CCAR1: variants seen among roughly 807,000 people sequenced by gnomAD.
CCAR1 encodes the protein cell division cycle and apoptosis regulator 1.
A neutral mutation model predicts 163.8 loss-of-function variants in CCAR1; 78 were observed. The observed-to-expected ratio is 0.48, with a 90% confidence interval of 0.40 to 0.57. CCAR1 has a LOEUF of 0.57. CCAR1 is among the 20% of genes least tolerant of loss of function. The pLI is 0.00. For synonymous variants in CCAR1, 443 were observed against 460.7 expected, an observed-to-expected ratio of 0.96 and a Z score of 0.49; for missense variants, 1,019 against 1,365.2, an observed-to-expected ratio of 0.75 and a Z score of 4.00.
chr10:68,773,282 T>A (rs2056625191), intron 19 of CCAR1, among the ~76,000 whole-genome samples, 183 bp downstream of exon 19: 2 of 152,306 alleles, frequency 1.3e-5, no homozygotes, highest in Admixed American at 1.3e-4. Flanking sequence ...GACATATTTA[T>A]TACTAATTAT....
Position 68,771,381 on chromosome 10 carries a change from C to G in CCAR1, c.2474C>G (p.Pro825Arg). Reference sequence around the variant, plus strand: ...GAAAGAGATGATGAAACTGATGAACCAAAACCCAAACGGAGAAAATCAGGC... The same window carrying G: ...GAAAGAGATGATGAAACTGATGAACGAAAACCCAAACGGAGAAAATCAGGC... Reference protein sequence around the residue: ...KEERDDETDEPKPKRRKSGDD... With the variant: ...KEERDDETDERKPKRRKSGDD... The change falls in exon 18 of 25, where the codon CCA (proline) becomes CGA (arginine). Residue 825 changes from proline (P) to arginine (R), a missense_variant. This residue lies in a region of CCAR1 where 358 missense variants were observed against 406.4 expected (regional missense o/e 0.88). Coordinates refer to ENST00000265872, the MANE Select transcript of CCAR1 (RefSeq NM_018237.4). 6.3e-7 allele frequency: 1 copy of G among 1,594,588 alleles called. No individual in the cohort carries two copies. Among genetic ancestry groups the G allele is most frequent in the Non-Finnish European group, 8.5e-7 (1 of 1,170,132 alleles).
At chr10:68,777,860 A>T (rs1369627055) in intron 19 of CCAR1, among the ~76,000 whole-genome samples, 1 of 151,862 alleles carries the variant, frequency 6.6e-6, no homozygotes, top group Non-Finnish European at 1.5e-5. Flanking sequence ...TGAGCCCGGG[A>T]GGCGGAGGTT....
At chr10:68,790,523 T>C (rs2056840971) in intron 24 of CCAR1, among the ~76,000 whole-genome samples, 1 of 152,088 alleles carries the variant, frequency 6.6e-6, no homozygotes, top group African/African-American at 2.4e-5. Context: ...CTCTGTGTTT[T>C]TTTTGTTTTG....
intron 10 of CCAR1, among the ~76,000 whole-genome samples, chr10:68,750,727 A>G (rs1762178271): frequency 6.6e-6 from 1 of 152,208 alleles, no homozygotes; most frequent in Admixed American, 6.5e-5. Context: ...CAGTAAAATA[A>G]GAAAATCATT....
chr10:68,747,208 A>G lies in CCAR1; in HGVS notation c.566A>G (p.Glu189Gly). Residue 189 changes from glutamate (E) to glycine (G), a missense_variant, in exon 7 of 25, where the codon GAA becomes GGA. Coordinates refer to ENST00000265872, the MANE Select transcript of CCAR1 (RefSeq NM_018237.4). ...TPQVGDRVLV[E>G]ATYNPNMPFK... ...CAAGTAGGTGACAGAGTATTGGTTG[A>G]AGCTACTTATAATCCTAATATGCCT... The G allele has an allele frequency of 6.2e-7, 1 of 1,611,286 alleles. No individual in the cohort carries two copies. Among genetic ancestry groups the G allele is most frequent in the Non-Finnish European group, 8.5e-7 (1 of 1,179,008 alleles).
At position 68,727,003 on chromosome 10, in the gene CCAR1, TAA is replaced by T. The variant is rs531688864; in HGVS notation, c.73+4430_73+4431del. ...AGCAAGACTTCCTCTCAAAAAAAAA[TAA>T]AAATAAAAAAATAAATTCACAGAAT... On this transcript the variant is annotated intron_variant, in intron 2 of 24. Coordinates refer to ENST00000265872, the MANE Select transcript of CCAR1 (RefSeq NM_018237.4). Among the ~76,000 whole-genome samples the T allele has an allele frequency of 2.4e-3, 356 of 145,882 alleles. 1 individual carries two copies. The highest frequency in any genetic ancestry group is 8.6e-3 in the African/African-American group (341 of 39,514).
At position 68,736,959 on chromosome 10, in the gene CCAR1, C is replaced by T. The variant is rs752474129; in HGVS notation, c.157C>T (p.Leu53Phe). Residue 53 changes from leucine (L) to phenylalanine (F), a missense_variant, in exon 3 of 25, where the codon CTT becomes TTT. Physicochemically the swap from Leu to Phe is conservative, Grantham distance 22. Coordinates refer to ENST00000265872, the MANE Select transcript of CCAR1 (RefSeq NM_018237.4). ...TQQTALAAAG[L>F]TTQTPANYQL... ...GCAAACTGCATTGGCAGCAGCAGGC[C>T]TTACCACACAAACTCCAGCAAACTA... The T allele has an allele frequency of 1.9e-6, 3 of 1,614,080 alleles. No homozygotes were observed. The highest frequency in any genetic ancestry group is 2.5e-6 in the Non-Finnish European group (3 of 1,179,940).
chr10:68,738,280 G>A (rs189453280), intron 4 of CCAR1, among the ~76,000 whole-genome samples: 80 of 152,210 alleles, frequency 5.3e-4, no homozygotes, highest in African/African-American at 1.8e-3. Context: ...CGGGTGTGGT[G>A]GCGCAGGCCT....
chr10:68,765,664 T>C (rs896751614), intron 16 of CCAR1, among the ~76,000 whole-genome samples: 2 of 152,304 alleles, frequency 1.3e-5, no homozygotes, highest in South Asian at 2.1e-4. Flanking sequence ...TTTCTTATGC[T>C]GGGAAATCCA....
chr10:68,779,978 A>C (rs1333941424), intron 19 of CCAR1, among the ~76,000 whole-genome samples: 1 of 152,188 alleles, frequency 6.6e-6, no homozygotes. Flanking sequence ...AAAATAGGAC[A>C]TGATCACTAC....
Position 68,786,659 on chromosome 10 carries a change from T to G in CCAR1, c.2847T>G (p.Leu949=). ...YLLEKDLEEI[L]YTLGLHLSRA... Reference sequence around the variant, plus strand: ...TTGAAAAGGATTTGGAAGAAATACTTTATACTCTTGGACTACATCTTTCTC... The same window carrying G: ...TTGAAAAGGATTTGGAAGAAATACTGTATACTCTTGGACTACATCTTTCTC... The change falls in exon 21 of 25, where the codon CTT becomes CTG. Residue 949 remains leucine (L), a synonymous_variant. Transcript: ENST00000265872. The G allele has an allele frequency of 1.2e-6, 2 of 1,603,404 alleles. No homozygotes were observed. Among genetic ancestry groups the G allele is most frequent in the East Asian group, 4.5e-5 (2 of 44,656 alleles).
At position 68,787,962 on chromosome 10, in the gene CCAR1, A is replaced by T. The variant is rs779272701; in HGVS notation, c.2916A>T (p.Glu972Asp). 3 of 1,613,180 alleles carry T rather than the reference A, an allele frequency of 1.9e-6. No homozygotes were observed. The South Asian group carries it at 3.3e-5, about 18-fold the overall frequency. Residue 972 changes from glutamate to aspartate, a missense_variant, in exon 22 of 25, where the codon GAA becomes GAT. Physicochemically the swap from Glu to Asp is conservative, Grantham distance 45 (BLOSUM62 2). Around this residue, in one of 4 missense-constraint regions of CCAR1, gnomAD observed 358 missense variants for 406.4 expected, o/e 0.88. Transcript: ENST00000265872. Reference protein sequence around the residue: ...KKLLNKVVLRESCFYRKLTDT... With the variant: ...KKLLNKVVLRDSCFYRKLTDT... Reference sequence around the variant, plus strand: ...TTCTTAATAAAGTAGTGCTCCGTGAATCTTGCTTTTACCGGAAATTAACAG... The same window carrying T: ...TTCTTAATAAAGTAGTGCTCCGTGATTCTTGCTTTTACCGGAAATTAACAG...
At chr10:68,731,111 CAT>C (rs2056032165) in intron 2 of CCAR1, among the ~76,000 whole-genome samples, 1 of 152,156 alleles carries the variant, frequency 6.6e-6, no homozygotes, top group Non-Finnish European at 1.5e-5. Flanking sequence ...CTTTGACAAT[CAT>C]ATTGAATGAG....
rs925389459 is a variant in CCAR1 at position 68,756,797 on chromosome 10, C to G, written c.1836+314C>G. Among the ~76,000 whole-genome samples, 2 of 152,114 alleles carry G rather than the reference C, an allele frequency of 1.3e-5. No homozygotes were observed. Among genetic ancestry groups the G allele is most frequent in the Non-Finnish European group, 2.9e-5 (2 of 68,010 alleles). ...TTGTTGAACAAGATTCAGTATTAAG[C>G]CATTTTAAACATTTTGCCATTTTCT... On this transcript the variant is annotated intron_variant, in intron 14 of 24. Coordinates refer to ENST00000265872, the MANE Select transcript of CCAR1 (RefSeq NM_018237.4). This position sits in a 1 kb window ranked among gnomAD's most constrained non-coding sequence, Gnocchi z 5.1.
At chr10:68,727,594 A>G (rs2133300818) in intron 2 of CCAR1, among the ~76,000 whole-genome samples, 1 of 151,722 alleles carries the variant, frequency 6.6e-6, no homozygotes, top group South Asian at 2.1e-4. Context: ...CCTGTTTTTC[A>G]TTTTTCTCAC....
chr10:68,730,024 A>T (rs2056013557), intron 2 of CCAR1, among the ~76,000 whole-genome samples: 1 of 151,838 alleles, frequency 6.6e-6, no homozygotes, highest in East Asian at 2.0e-4. Context: ...TGTTCAAGCG[A>T]TTCTTCTGCC....
intron 3 of CCAR1, 76 bp from the exon 4 acceptor site, chr10:68,737,769 A>G (rs1186200929): frequency 1.3e-6 from 1 of 766,834 alleles, no homozygotes; most frequent in South Asian, 1.6e-5. Flanking sequence ...ATGTATTTCT[A>G]TGTATATCAC....
In CCAR1 at chr10:68,788,050, C is replaced by T. The variant is rs752362678; in HGVS notation, c.3001+3C>T. Reference sequence around the variant, plus strand: ...GTCATTGCAGGAAGATATGCTAGGTCTGAGTAATATTAAGATTTTGCTTTT... The same window carrying T: ...GTCATTGCAGGAAGATATGCTAGGTTTGAGTAATATTAAGATTTTGCTTTT... On this transcript the variant is annotated splice_donor_region_variant and intron_variant, in intron 22 of 24. Transcript: ENST00000265872. 1 of 1,585,944 alleles carries T rather than the reference C, an allele frequency of 6.3e-7. No individual in the cohort carries two copies. Among genetic ancestry groups the T allele is most frequent in the East Asian group, 2.2e-5 (1 of 44,466 alleles).
In CCAR1 at chr10:68,791,229, A is replaced by G; in HGVS notation, c.3416A>G (p.Lys1139Arg). ...LKKDNVKNED[K>R]DQKSKENGAS... Reference sequence around the variant, plus strand: ...TAGGATAATGTAAAGAATGAAGACAAAGATCAAAAATCCAAGGAGAATGGT... The same window carrying G: ...TAGGATAATGTAAAGAATGAAGACAGAGATCAAAAATCCAAGGAGAATGGT... The change falls in exon 25 of 25, where the codon AAA (lysine) becomes AGA (arginine). Residue 1139 changes from lysine to arginine, a missense_variant. Physicochemically the swap from Lys to Arg is conservative, Grantham distance 26. Transcript: ENST00000265872. 1 of 1,597,816 alleles carries G rather than the reference A, an allele frequency of 6.3e-7. No homozygotes were observed. The highest frequency in any genetic ancestry group is 2.2e-5 in the East Asian group (1 of 44,492).
Sources: allele counts gnomAD v4.1 joint callset (sites outside exome capture counted in the v4.1 genomes callset), GRCh38; gene constraint gnomAD v4.1.1; regional missense constraint gnomAD v4.1.1; non-coding constraint Gnocchi (gnomAD v3.1); transcripts MANE v1.5; gene names NCBI Gene and HGNC (gene_info 2026-07-23, HGNC 2026-07-21).